LRMDA: variants seen among roughly 807,000 people sequenced by gnomAD.
The protein encoded by LRMDA is leucine-rich melanocyte differentiation-associated protein.
In LRMDA, 18 loss-of-function variants were observed where a neutral mutation model predicts 29.8. The ratio of observed to expected loss-of-function variants is 0.60; its 90% CI spans 0.42 to 0.90. The LOEUF (loss-of-function observed/expected upper bound fraction) is 0.90. Ranked by LOEUF, LRMDA falls within the 40% of genes least tolerant of loss-of-function variation. The pLI, the probability that LRMDA is intolerant of heterozygous loss-of-function variation, is 0.00. For missense variants in LRMDA, 273 were observed against 273.9 expected (o/e 1.00, Z 0.02); for synonymous variants, 125 against 109.4 (o/e 1.14, Z -0.89).
chr10:75,732,165 G>T (rs553213688), intron 2 of LRMDA, among the ~76,000 whole-genome samples: 4 of 152,042 alleles, frequency 2.6e-5, no homozygotes, highest in Non-Finnish European at 2.9e-5. Flanking sequence ...GCATCAGGGG[G>T]ATTTGCTGAA....
chr10:75,884,093 T>C (rs1845339226), intron 2 of LRMDA, among the ~76,000 whole-genome samples: 1 of 151,994 alleles, frequency 6.6e-6, no homozygotes, highest in Non-Finnish European at 1.5e-5. Context: ...TACGTGAACA[T>C]TTGTATATTG....
chr10:75,505,793 CT>C, intron 2 of LRMDA, among the ~76,000 whole-genome samples: 1 of 152,294 alleles, frequency 6.6e-6, no homozygotes, highest in South Asian at 2.1e-4. Flanking sequence ...CTTATTGCCC[CT>C]GTCACCACAT....
chr10:76,181,399 C>A (rs1851047929), intron 5 of LRMDA, among the ~76,000 whole-genome samples: 1 of 152,192 alleles, frequency 6.6e-6, no homozygotes, highest in Non-Finnish European at 1.5e-5. Flanking sequence ...CTGAAGGTAC[C>A]AACCATGTTT....
chr10:76,329,267 T>A (rs1030252342), intron 6 of LRMDA, among the ~76,000 whole-genome samples: 3 of 152,322 alleles, frequency 2.0e-5, no homozygotes, highest in Middle Eastern at 3.4e-3. Context: ...ATGGTGGTAA[T>A]GGTAAAACAG....
At chr10:75,835,696 G>A (rs920172748) in intron 2 of LRMDA, among the ~76,000 whole-genome samples, 12 of 152,154 alleles carry the variant, frequency 7.9e-5, no homozygotes, top group Non-Finnish European at 8.8e-5. Flanking sequence ...TGCTTTTTTG[G>A]ACCTCAATAT....
At chr10:76,474,298 C>T (rs1228872057) in intron 6 of LRMDA, among the ~76,000 whole-genome samples, 1 of 151,534 alleles carries the variant, frequency 6.6e-6, no homozygotes, top group Non-Finnish European at 1.5e-5. Flanking sequence ...AGACATAAAT[C>T]TGTGTGACTT....
chr10:75,954,245 G>T (rs1411591557), intron 2 of LRMDA, among the ~76,000 whole-genome samples: 1 of 152,180 alleles, frequency 6.6e-6, no homozygotes, highest in Non-Finnish European at 1.5e-5. Flanking sequence ...TTTTGGCCTT[G>T]TGATACCCTG....
At chr10:76,270,042 G>T (rs1479029710) in intron 5 of LRMDA, among the ~76,000 whole-genome samples, 2 of 152,188 alleles carry the variant, frequency 1.3e-5, no homozygotes, top group African/African-American at 2.4e-5. Context: ...TTCCCCGTCA[G>T]TATTTACAAA....
intron 5 of LRMDA, among the ~76,000 whole-genome samples, chr10:76,108,308 A>G (rs1338887925): frequency 1.3e-5 from 2 of 152,166 alleles, no homozygotes; most frequent in Admixed American, 6.5e-5. Context: ...AGGTGCCTCC[A>G]TGACCTGACT....
chr10:76,359,620 T>G (rs914518653), intron 6 of LRMDA, among the ~76,000 whole-genome samples: 1 of 152,208 alleles, frequency 6.6e-6, no homozygotes, highest in Non-Finnish European at 1.5e-5. Context: ...CAGTTTGCTC[T>G]GATCAAGAAT....
chr10:76,148,689 A>G (rs539937412), intron 5 of LRMDA, among the ~76,000 whole-genome samples: 2 of 152,230 alleles, frequency 1.3e-5, no homozygotes, highest in African/African-American at 4.8e-5. Context: ...AGTGCGCTGC[A>G]CCCACTGTCC....
chr10:76,247,076 T>C (rs1175927475), intron 5 of LRMDA, among the ~76,000 whole-genome samples: 1 of 152,204 alleles, frequency 6.6e-6, no homozygotes, highest in Non-Finnish European at 1.5e-5. Context: ...GATCTTGTCT[T>C]ACCTCCTCTG....
intron 4 of LRMDA, among the ~76,000 whole-genome samples, chr10:76,050,335 T>G (rs1416570770): frequency 6.6e-6 from 1 of 152,166 alleles, no homozygotes; most frequent in Non-Finnish European, 1.5e-5. Context: ...TTACCCCCTG[T>G]GCACCCAGTT....
intron 2 of LRMDA, among the ~76,000 whole-genome samples, chr10:75,958,732 G>A (rs971606099): frequency 1.3e-5 from 2 of 152,200 alleles, no homozygotes; most frequent in Non-Finnish European, 2.9e-5. Flanking sequence ...GTATTAGTCC[G>A]TTTTCACATT....
intron 5 of LRMDA, among the ~76,000 whole-genome samples, chr10:76,280,814 TAA>T (rs113388371): frequency 6.6e-6 from 1 of 150,640 alleles, no homozygotes; most frequent in Non-Finnish European, 1.5e-5. Context: ...GAATGTGCCT[TAA>T]AAAAAAAGGT....
intron 2 of LRMDA, among the ~76,000 whole-genome samples, chr10:75,889,603 G>T (rs1036363778): frequency 6.6e-6 from 1 of 152,214 alleles, no homozygotes; most frequent in Non-Finnish European, 1.5e-5. Context: ...TTGGGTGATT[G>T]TGCAATTGTG....
At chr10:75,883,094 C>A (rs186488681) in intron 2 of LRMDA, among the ~76,000 whole-genome samples, 2 of 152,286 alleles carry the variant, frequency 1.3e-5, no homozygotes, top group African/African-American at 4.8e-5. Context: ...CTTCTCCTTG[C>A]TAGCTCAGCA....
At chr10:75,515,807 CT>C (rs1845282257) in intron 2 of LRMDA, among the ~76,000 whole-genome samples, 2 of 151,950 alleles carry the variant, frequency 1.3e-5, no homozygotes, top group African/African-American at 2.4e-5. Flanking sequence ...AATCTATCAC[CT>C]TGTCATTTAC....
intron 5 of LRMDA, among the ~76,000 whole-genome samples, chr10:76,127,563 A>C (rs1473966998): frequency 2.3e-5 from 2 of 87,262 alleles, no homozygotes; most frequent in Non-Finnish European, 4.5e-5. Context: ...GAAATGAAAG[A>C]GTGCAGAGTT....
Sources: gnomAD v4.1 joint callset for allele counts (sites outside exome capture counted in the v4.1 genomes callset) on GRCh38, gnomAD v4.1.1 for gene constraint, MANE v1.5 for transcripts, NCBI Gene and HGNC (gene_info 2026-07-23, HGNC 2026-07-21) for gene names.